FAF2: variants seen among roughly 807,000 people sequenced by gnomAD.
The protein encoded by FAF2 is FAS-associated factor 2.
Under a neutral mutation model 62.3 loss-of-function variants are expected in FAF2, and 9 were observed. The ratio of observed to expected loss-of-function variants is 0.14; its 90% CI spans 0.09 to 0.25. The LOEUF (loss-of-function observed/expected upper bound fraction) is 0.25. FAF2 is among the 10% of genes least tolerant of loss of function. The probability of loss-of-function intolerance (pLI) is 1.00; values close to 1 mark genes in which losing one functional copy is unlikely to be tolerated. For missense variants in FAF2, 368 were observed against 556.2 expected (o/e 0.66, Z 3.40); for synonymous variants, 202 against 198.0 (o/e 1.02, Z -0.17).
intron 10 of FAF2, among the ~76,000 whole-genome samples, chr5:176,503,512 G>A (rs1400814422): frequency 6.7e-6 from 1 of 150,022 alleles, no homozygotes; most frequent in Non-Finnish European, 1.5e-5. Flanking sequence ...TGGAGATCGT[G>A]CTATTGCACT....
chr5:176,474,663 A>C (rs1180160009), intron 1 of FAF2, among the ~76,000 whole-genome samples: 1 of 152,208 alleles, frequency 6.6e-6, no homozygotes, highest in Non-Finnish European at 1.5e-5. Flanking sequence ...CTCTTCCCAG[A>C]TATTTCCCCA....
chr5:176,478,832 A>G (rs1758743794), intron 1 of FAF2, among the ~76,000 whole-genome samples: 1 of 152,212 alleles, frequency 6.6e-6, no homozygotes, highest in Non-Finnish European at 1.5e-5. Context: ...GGGATGCTCA[A>G]CCTGTACTAT....
In FAF2 at chr5:176,448,395, A is replaced by G; in HGVS notation, c.-13A>G. On this transcript the variant is annotated 5_prime_UTR_variant, in exon 1 of 11. Coordinates refer to ENST00000261942, the MANE Select transcript of FAF2 (RefSeq NM_014613.3). ...CGGTGCGGACGGGTCAGGAGCGTAG[A>G]GGCGGCGGCAAAATGGCGGCGCCTG... is the stretch of plus-strand genomic sequence containing the variant. 21 of 1,603,186 alleles carry G rather than the reference A, an allele frequency of 1.3e-5. No individual in the cohort carries two copies. Among genetic ancestry groups the G allele is most frequent in the Non-Finnish European group, 1.8e-5 (21 of 1,175,378 alleles).
At chr5:176,480,616 T>C (rs1471455007) in intron 2 of FAF2, among the ~76,000 whole-genome samples, 4 of 152,036 alleles carry the variant, frequency 2.6e-5, no homozygotes, top group African/African-American at 4.8e-5. Context: ...TCTTGCTGTG[T>C]TGCCCAAGCT....
intron 8 of FAF2, 132 bp from the exon 9 acceptor site, chr5:176,498,782 A>G: frequency 1.3e-6 from 1 of 765,442 alleles, no homozygotes; most frequent in Non-Finnish European, 1.8e-6. Context: ...CCCTTATGGC[A>G]GTGTGAAATC....
chr5:176,478,569 A>G (rs552497153), intron 1 of FAF2, among the ~76,000 whole-genome samples: 2 of 152,364 alleles, frequency 1.3e-5, no homozygotes, highest in Admixed American at 1.3e-4. Flanking sequence ...ATATAAAATG[A>G]AATAAGTTAA....
Position 176,498,971 on chromosome 5 carries a change from C to A in FAF2, c.897C>A (p.Ala299=). Residue 299 remains alanine, a synonymous_variant, in exon 9 of 11, where the codon GCC becomes GCA. Transcript: ENST00000261942. Reference sequence around the variant, plus strand: ...AACAGCAGGATGAGGCCTACCTGGCCTCTCTCAGAGCTGACCAGGAGAAAG... The same window carrying A: ...AACAGCAGGATGAGGCCTACCTGGCATCTCTCAGAGCTGACCAGGAGAAAG... The part of the protein sequence containing the change: ...LRQQQDEAYL[A]SLRADQEKER... The A allele has an allele frequency of 6.2e-7, 1 of 1,612,964 alleles. No homozygotes were observed. The highest frequency in any genetic ancestry group is 8.5e-7 in the Non-Finnish European group (1 of 1,179,232).
intron 2 of FAF2, among the ~76,000 whole-genome samples, chr5:176,480,101 C>G (rs1416278342): frequency 6.6e-6 from 1 of 152,206 alleles, no homozygotes; most frequent in Non-Finnish European, 1.5e-5. Flanking sequence ...TTTGTTTTAA[C>G]TGCTGTATTC....
At chr5:176,461,217 T>C (rs1377503823) in intron 1 of FAF2, among the ~76,000 whole-genome samples, 1 of 151,848 alleles carries the variant, frequency 6.6e-6, no homozygotes, top group Non-Finnish European at 1.5e-5. Flanking sequence ...TTTCACTGTG[T>C]TGTCCAGGCT....
At chr5:176,451,595 T>A (rs1471088668) in intron 1 of FAF2, among the ~76,000 whole-genome samples, 3 of 150,708 alleles carry the variant, frequency 2.0e-5, no homozygotes, top group Non-Finnish European at 2.9e-5. Flanking sequence ...AGAAACAGGT[T>A]CTGAGAGGTC....
chr5:176,509,374 A>G lies in FAF2; in HGVS notation c.*2424A>G, dbSNP rs904988554. ...GCGAGGGAGAAGACACTGAGAAGCC[A>G]GTGATCTGCAAGCATTTGCTCTTGT... On this transcript the variant is annotated 3_prime_UTR_variant, in exon 11 of 11. Transcript: ENST00000261942. 6.6e-6 allele frequency: 1 copy of G among 152,228 alleles called. No individual in the cohort carries two copies. Among genetic ancestry groups the G allele is most frequent in the African/African-American group, 2.4e-5 (1 of 41,460 alleles). The allele number at this position is 152,228 out of a possible 1,614,324, so 9.4% of individuals were successfully genotyped here.
rs556409480 is a variant in FAF2, at chr5:176,449,143, A to G, written c.63+673A>G. Among the ~76,000 whole-genome samples, 60 of 152,346 alleles carry G rather than the reference A, an allele frequency of 3.9e-4. 1 individual carries two copies. In the South Asian group the frequency reaches 0.011, roughly 28 times the overall value. ...TGGTAACTTGCAGAAATGTTATGTTAATACAAGATGTTGTATTAAGAACAT... is the reference window on the plus strand; with the variant it reads ...TGGTAACTTGCAGAAATGTTATGTTGATACAAGATGTTGTATTAAGAACAT... On this transcript the variant is annotated intron_variant, in intron 1 of 10. Coordinates refer to ENST00000261942, the MANE Select transcript of FAF2 (RefSeq NM_014613.3).
chr5:176,455,421 C>T (rs1010025452), intron 1 of FAF2, among the ~76,000 whole-genome samples: 5 of 152,024 alleles, frequency 3.3e-5, no homozygotes, highest in African/African-American at 1.2e-4. Context: ...TGCACTCCAG[C>T]CTGGGTGACA....
intron 1 of FAF2, among the ~76,000 whole-genome samples, chr5:176,463,537 G>C (rs1758415973): frequency 6.6e-6 from 1 of 151,390 alleles, no homozygotes; most frequent in South Asian, 2.1e-4. Flanking sequence ...TTTTTTTCCT[G>C]ACTCAGATTC....
intron 4 of FAF2, among the ~76,000 whole-genome samples, chr5:176,490,203 C>G (rs1017115434): frequency 1.3e-5 from 2 of 151,474 alleles, no homozygotes; most frequent in South Asian, 4.2e-4. Flanking sequence ...CCCAACTACT[C>G]AGGAGGCTGA....
At chr5:176,468,579 G>C (rs746250844) in intron 1 of FAF2, among the ~76,000 whole-genome samples, 11 of 151,712 alleles carry the variant, frequency 7.3e-5, no homozygotes, top group Admixed American at 2.0e-4. Context: ...GCAAGACTCC[G>C]TCTCAAAAAG....
chr5:176,506,192 CA>C (rs1166725144), intron 10 of FAF2, among the ~76,000 whole-genome samples: 102 of 64,778 alleles, frequency 1.6e-3, no homozygotes, highest in Non-Finnish European at 2.3e-3. Flanking sequence ...GAGACTCTCT[CA>C]AAAAAAAAAA....
rs1014422561 is a variant in FAF2, at chr5:176,496,427, A to G, written c.662-59A>G. On this transcript the variant is annotated intron_variant, in intron 7 of 10. Coordinates refer to ENST00000261942, the MANE Select transcript of FAF2 (RefSeq NM_014613.3). ...CTCTCTCACTCATTGTGGAAAGTCT[A>G]AGGGTTGATCTTTTTCACCGTCAAG... 23 of 1,390,312 alleles carry G rather than the reference A, an allele frequency of 1.7e-5. No homozygotes were observed. The East Asian group carries it at 5.8e-4, about 35-fold the overall frequency. The allele number at this position is 1,390,312 out of a possible 1,614,324, so 86.1% of individuals were successfully genotyped here.
chr5:176,479,346 C>A, intron 2 of FAF2, 90 bp downstream of exon 2: 1 of 1,032,082 alleles, frequency 9.7e-7, no homozygotes, highest in Non-Finnish European at 1.5e-6. Flanking sequence ...GGAATCTTTT[C>A]AGTAGATTTT....
Sources: allele counts gnomAD v4.1 joint callset (sites outside exome capture counted in the v4.1 genomes callset), GRCh38; gene constraint gnomAD v4.1.1; transcripts MANE v1.5; gene names NCBI Gene and HGNC (gene_info 2026-07-23, HGNC 2026-07-21).